The following PRH1 variants were observed in gnomAD, a reference collection of about 807,000 sequenced individuals.
The protein encoded by PRH1 is salivary acidic proline-rich phosphoprotein 1/2.
A neutral mutation model predicts 7.9 loss-of-function variants in PRH1; 7 were observed. That is an observed-to-expected ratio of 0.89 (90% CI 0.50 to 1.67). The LOEUF (loss-of-function observed/expected upper bound fraction) is 1.67. PRH1 is among the 40% of genes most tolerant of loss of function. The probability of loss-of-function intolerance (pLI) is 0.00; values close to 1 mark genes in which losing one functional copy is unlikely to be tolerated. For synonymous variants in PRH1, 45 were observed against 80.8 expected, an observed-to-expected ratio of 0.56 and a Z score of 2.38; for missense variants, 109 against 223.6, an observed-to-expected ratio of 0.49 and a Z score of 3.27.
At chr12:11,037,886 G>GA (rs1407218167) in intron 1 of PRH1, among the ~76,000 whole-genome samples, 1 of 151,820 alleles carries the variant, frequency 6.6e-6, no homozygotes, top group African/African-American at 2.4e-5. Flanking sequence ...AAAAAAAATA[G>GA]AAAAAATCAG....
intron 2 of PRH1, 89 bp from the exon 3 acceptor site, chr12:10,882,787 C>T (rs1949427577): frequency 6.4e-6 from 10 of 1,572,218 alleles, no homozygotes; most frequent in Non-Finnish European, 8.6e-6. Flanking sequence ...CGGCCGGCCC[C>T]TCTCTGCCTG....
intron 1 of PRH1, among the ~76,000 whole-genome samples, chr12:11,040,168 G>A (rs983353174): frequency 8.6e-5 from 13 of 152,042 alleles, no homozygotes; most frequent in Non-Finnish European, 1.3e-4. Context: ...ATTTTTCTCC[G>A]TTTAATTTAT....
chr12:11,020,167 G>T (rs1400724872), intron 1 of PRH1, among the ~76,000 whole-genome samples: 2 of 152,178 alleles, frequency 1.3e-5, no homozygotes, highest in Admixed American at 6.5e-5. Flanking sequence ...CAGATTTTAT[G>T]ATGAGCTTCA....
chr12:11,023,934 T>G (rs1013725261), intron 1 of PRH1, among the ~76,000 whole-genome samples: 14 of 152,174 alleles, frequency 9.2e-5, no homozygotes, highest in Non-Finnish European at 1.9e-4. Flanking sequence ...ATCAGGAGTG[T>G]GGGAAATATG....
chr12:11,168,405 AAAGAAAGAAAGAAAGG>A (rs1947702400), intron 1 of PRH1, among the ~76,000 whole-genome samples: 1 of 40,278 alleles, frequency 2.5e-5, no homozygotes, highest in Admixed American at 2.4e-4. Flanking sequence ...AGAAAGAAAG[AAAGAAAGAAAGAAAGG>A]AAAAGAAAAG....
chr12:10,953,120 GA>G (rs375309513), intron 2 of PRH1, among the ~76,000 whole-genome samples: 3,731 of 144,808 alleles, frequency 0.026, 60 homozygotes, highest in African/African-American at 0.047. Flanking sequence ...GATAAAAACA[GA>G]AAAAAAAAAA....
At position 11,077,510 on chromosome 12, in the gene PRH1, G is replaced by C. The variant is rs1240573926; in HGVS notation, n.124-30322C>G. ...CAAAGATTCCAGGTTAATGTGATTA[G>C]ATACAGAAAGTAAATGGCATATAAC... On this transcript the variant is annotated intron_variant and non_coding_transcript_variant, in intron 1 of 4. Coordinates refer to the PRH1 transcript ENST00000541977. 8.6e-6 allele frequency: 8 copies of C among 929,408 alleles called. 1 individual carries two copies. In the East Asian group the frequency reaches 1.7e-4, roughly 20 times the overall value. 57.6% of individuals were successfully genotyped at this position (929,408 alleles called of 1,614,324 possible).
intron 1 of PRH1, among the ~76,000 whole-genome samples, chr12:11,148,284 TCTC>T: frequency 6.6e-6 from 1 of 152,078 alleles, no homozygotes; most frequent in East Asian, 1.9e-4. Context: ...TTTATTTCCT[TCTC>T]CTGCCTCATT....
At chr12:10,892,148 C>A (rs551793201) in intron 2 of PRH1, among the ~76,000 whole-genome samples, 1 of 152,288 alleles carries the variant, frequency 6.6e-6, no homozygotes, top group Admixed American at 6.5e-5. Flanking sequence ...ATGCCTTGCT[C>A]ACCTGATCCT....
chr12:11,085,665 C>CA lies in PRH1; in HGVS notation n.124-38478_124-38477insT, dbSNP rs1944662073. On this transcript the variant is annotated intron_variant and non_coding_transcript_variant, in intron 1 of 4. Transcript: ENST00000541977. ...ATGATAATTTCCAAAACAGCTGAAACTGACTCATATTCAAATACTATGTCC... is the reference window on the plus strand; with the variant it reads ...ATGATAATTTCCAAAACAGCTGAAACATGACTCATATTCAAATACTATGTCC... Among the ~76,000 whole-genome samples the CA allele has an allele frequency of 4.3e-5, 5 of 115,758 alleles. 2 individuals carry two copies. Among genetic ancestry groups the CA allele is most frequent in the African/African-American group, 1.4e-4 (5 of 34,634 alleles). 75.9% of individuals were successfully genotyped at this position (115,758 alleles called of 152,430 possible).
At chr12:10,909,522 T>C (rs1005737601) in intron 2 of PRH1, 1 of 480,022 alleles carries the variant, frequency 2.1e-6, no homozygotes, top group African/African-American at 2.0e-5. Flanking sequence ...ATTTCTCTGC[T>C]GAGCCCTAGC....
At chr12:11,156,881 T>C (rs2136442621) in intron 1 of PRH1, among the ~76,000 whole-genome samples, 1 of 149,066 alleles carries the variant, frequency 6.7e-6, no homozygotes, top group East Asian at 2.0e-4. Context: ...AGGCTTGCTC[T>C]GTCACCCAGG....
chr12:11,066,219 C>T (rs1280232703), intron 1 of PRH1, among the ~76,000 whole-genome samples: 1 of 148,808 alleles, frequency 6.7e-6, no homozygotes, highest in Non-Finnish European at 1.5e-5. Flanking sequence ...GTTTATAGAA[C>T]TATAACTTTC....
rs1447561351 is a variant in PRH1, at chr12:11,052,644, G to A, written n.124-5456C>T. Among the ~76,000 whole-genome samples, 12 of 148,452 alleles carry A rather than the reference G, an allele frequency of 8.1e-5. No homozygotes were observed. In the South Asian group the frequency reaches 2.6e-3, roughly 32 times the overall value. On this transcript the variant is annotated intron_variant and non_coding_transcript_variant, in intron 1 of 4. Coordinates refer to the PRH1 transcript ENST00000541977. ...AAGTATGTTAGGTGTTTTGATGATAGCATCAGTGTGTTACCCTCTAGCCTT... is the reference window on the plus strand; with the variant it reads ...AAGTATGTTAGGTGTTTTGATGATAACATCAGTGTGTTACCCTCTAGCCTT...
In PRH1 at chr12:11,133,150, T is replaced by C. The variant is rs983096590; in HGVS notation, n.40-11970A>G. On this transcript the variant is annotated intron_variant and non_coding_transcript_variant, in intron 1 of 1. Coordinates refer to the PRH1 transcript ENST00000541175. ...ACACACACACACACACACATCTATA[T>C]ATATGTACTTTTCTAGACTAACTTT... The C allele has an allele frequency of 4.5e-4, 469 of 1,045,380 alleles. 1 individual carries two copies. The highest frequency in any genetic ancestry group is 5.2e-4 in the Non-Finnish European group (392 of 752,722). The allele number at this position is 1,045,380 out of a possible 1,614,324, so 64.8% of individuals were successfully genotyped here. A position where few individuals can be genotyped will look rare whatever the true frequency, so the allele number is the denominator to read the frequency against.
intron 1 of PRH1, among the ~76,000 whole-genome samples, chr12:11,024,479 T>C (rs1298427045): frequency 1.3e-5 from 2 of 152,258 alleles, no homozygotes; most frequent in African/African-American, 2.4e-5. Flanking sequence ...ACCAATAAGG[T>C]ATTCGACCCT....
intron 2 of PRH1, among the ~76,000 whole-genome samples, chr12:10,946,753 A>G (rs780401014): frequency 6.6e-5 from 10 of 152,020 alleles, no homozygotes; most frequent in Non-Finnish European, 1.3e-4. Flanking sequence ...AGGCCTTACA[A>G]ACTTTTTGAT....
At chr12:11,047,405 A>AT (rs1375393465), upstream of PRH1, among the ~76,000 whole-genome samples, 1 of 149,676 alleles carries the variant, frequency 6.7e-6, no homozygotes, top group Admixed American at 6.7e-5. Context: ...GAATAATTGA[A>AT]TTTTTTTGAG....
chr12:11,022,791 C>G (rs1323412584), intron 1 of PRH1, among the ~76,000 whole-genome samples: 3 of 152,276 alleles, frequency 2.0e-5, no homozygotes, highest in Middle Eastern at 3.4e-3. Context: ...CTCAAAACAG[C>G]TCAAATTCAC....
Sources: allele counts gnomAD v4.1 joint callset (sites outside exome capture counted in the v4.1 genomes callset), GRCh38; gene constraint gnomAD v4.1.1; transcripts MANE v1.5; gene names NCBI Gene and HGNC (gene_info 2026-07-23, HGNC 2026-07-21).